Variants in GOLM2 observed in about 807,000 individuals in gnomAD.
GOLM2 encodes protein GOLM2.
In GOLM2, 26 loss-of-function variants were observed where a neutral mutation model predicts 55.9. The observed-to-expected ratio is 0.47, with a 90% CI of 0.34 to 0.65. The LOEUF is 0.65. GOLM2 is among the 30% of genes least tolerant of loss of function. The pLI is 0.01. For missense variants in GOLM2, 486 were observed against 531.8 expected (o/e 0.91, Z 0.85); for synonymous variants, 165 against 194.6 (o/e 0.85, Z 1.27).
intron 3 of GOLM2, among the ~76,000 whole-genome samples, chr15:44,331,089 A>G (rs917801825): frequency 2.0e-5 from 3 of 152,178 alleles, no homozygotes; most frequent in Middle Eastern, 3.4e-3. Context: ...ATCTCAGCTC[A>G]CTGCAACCTC....
At chr15:44,405,283 G>C (rs1466544632) in intron 9 of GOLM2, 4 of 152,130 alleles carry the variant, frequency 2.6e-5, no homozygotes, top group African/African-American at 4.8e-5. Context: ...GTAGAGAAGG[G>C]GCTGTTACAT....
At chr15:44,347,585 G>C (rs1033496186) in intron 6 of GOLM2, among the ~76,000 whole-genome samples, 8 of 152,176 alleles carry the variant, frequency 5.3e-5, no homozygotes, top group African/African-American at 1.9e-4. Flanking sequence ...CCGCGAGCTA[G>C]AGTGCTTTGG....
intron 8 of GOLM2, among the ~76,000 whole-genome samples, chr15:44,392,528 C>G (rs1298008342): frequency 6.6e-6 from 1 of 151,468 alleles, no homozygotes; most frequent in Non-Finnish European, 1.5e-5. Flanking sequence ...GAGGCTGAGG[C>G]TGGAGAATCG....
chr15:44,356,722 A>G (rs1275355306), intron 6 of GOLM2, among the ~76,000 whole-genome samples: 1 of 152,224 alleles, frequency 6.6e-6, no homozygotes, highest in African/African-American at 2.4e-5. Flanking sequence ...CTATGATGCC[A>G]TTGTTATGCC....
rs2078722988 is a variant in GOLM2 at position 44,291,870 on chromosome 15, G to A, written c.327+2514G>A. Among the ~76,000 whole-genome samples, 2 of 152,082 alleles carry A rather than the reference G, an allele frequency of 1.3e-5. 1 individual carries two copies. Among genetic ancestry groups the A allele is most frequent in the South Asian group, 4.1e-4 (2 of 4,832 alleles). Reference sequence around the variant, plus strand: ...AAAAAATGAAAACCTTTTTTGGAGGGAAATGTTAGTGTATCCTCCTCTTGG... The same window carrying A: ...AAAAAATGAAAACCTTTTTTGGAGGAAAATGTTAGTGTATCCTCCTCTTGG... On this transcript the variant is annotated intron_variant, in intron 1 of 9. Coordinates refer to ENST00000299957, the MANE Select transcript of GOLM2 (RefSeq NM_138423.4).
chr15:44,331,702 T>A (rs530220309), intron 3 of GOLM2, among the ~76,000 whole-genome samples: 2 of 151,910 alleles, frequency 1.3e-5, no homozygotes, highest in South Asian at 4.2e-4. Flanking sequence ...GTTTTGAAAG[T>A]TTTTTTTTAA....
chr15:44,404,520 TA>T (rs1328775949), intron 9 of GOLM2, among the ~76,000 whole-genome samples: 1 of 152,160 alleles, frequency 6.6e-6, no homozygotes, highest in Non-Finnish European at 1.5e-5. Flanking sequence ...CTTACAATAT[TA>T]TGTACTTTTT....
chr15:44,308,680 C>A (rs980114467), intron 1 of GOLM2: 1 of 152,078 alleles, frequency 6.6e-6, no homozygotes, highest in South Asian at 2.1e-4. Flanking sequence ...TGGCTCACTG[C>A]AGCTTTGACC....
chr15:44,363,148 C>G (rs991440777), intron 6 of GOLM2, among the ~76,000 whole-genome samples: 3 of 152,112 alleles, frequency 2.0e-5, no homozygotes, highest in Admixed American at 6.6e-5. Context: ...GACTTCATGT[C>G]TAAAACACCA....
At chr15:44,350,626 A>G (rs1264298269) in intron 6 of GOLM2, among the ~76,000 whole-genome samples, 1 of 152,214 alleles carries the variant, frequency 6.6e-6, no homozygotes, top group Non-Finnish European at 1.5e-5. Context: ...ATTCTAGGAG[A>G]CGAGTAATAG....
At chr15:44,405,453 A>C (rs960599194) in intron 9 of GOLM2, 3 of 152,214 alleles carry the variant, frequency 2.0e-5, no homozygotes, top group African/African-American at 7.2e-5. Flanking sequence ...GCTCCAACAA[A>C]TAAAGAGGGA....
chr15:44,319,720 C>T (rs1010452186), intron 1 of GOLM2, among the ~76,000 whole-genome samples: 5 of 151,972 alleles, frequency 3.3e-5, no homozygotes, highest in Admixed American at 6.6e-5. Flanking sequence ...CTCAAGTATC[C>T]GGGCCTATAG....
intron 1 of GOLM2, chr15:44,307,687 G>A (rs917212468): frequency 3.9e-5 from 6 of 152,138 alleles, no homozygotes; most frequent in Non-Finnish European, 1.5e-5. Context: ...GAAGAAGTGA[G>A]GGAGGCACAC....
chr15:44,322,205 T>C (rs1190242906), intron 1 of GOLM2, among the ~76,000 whole-genome samples: 2 of 152,158 alleles, frequency 1.3e-5, no homozygotes. Flanking sequence ...CCATCTCTAC[T>C]AAAAATACAA....
chr15:44,360,646 A>T (rs1438978207), intron 6 of GOLM2, among the ~76,000 whole-genome samples: 2 of 152,202 alleles, frequency 1.3e-5, no homozygotes, highest in Non-Finnish European at 2.9e-5. Context: ...CAGATCAACG[A>T]GACAGAAAGT....
At position 44,300,582 on chromosome 15, in the gene GOLM2, A is replaced by G. The variant is rs539748905; in HGVS notation, c.327+11226A>G. 3.2e-4 allele frequency among the ~76,000 whole-genome samples: 49 copies of G among 152,334 alleles called. 1 individual carries two copies. Among genetic ancestry groups the G allele is most frequent in the Middle Eastern group, 3.4e-3 (1 of 294 alleles). On this transcript the variant is annotated intron_variant, in intron 1 of 9. Transcript: ENST00000299957. ...AAGGACATTCAAGGAGCTCCCTTTT[A>G]CTTACTCCATAGAGGCAAACAAACA...
chr15:44,386,263 G>T (rs532062943), intron 8 of GOLM2, among the ~76,000 whole-genome samples: 1 of 152,270 alleles, frequency 6.6e-6, no homozygotes, highest in East Asian at 1.9e-4. Flanking sequence ...GATACCAGTT[G>T]TCCCAGCAAC....
intron 1 of GOLM2, among the ~76,000 whole-genome samples, chr15:44,320,027 G>A (rs375356095): frequency 6.6e-6 from 1 of 152,070 alleles, no homozygotes; most frequent in Non-Finnish European, 1.5e-5. Context: ...ATTCCAGAAC[G>A]TTTTCATCAC....
At chr15:44,351,250 T>C (rs1223678040) in intron 6 of GOLM2, among the ~76,000 whole-genome samples, 1 of 152,018 alleles carries the variant, frequency 6.6e-6, no homozygotes, top group Non-Finnish European at 1.5e-5. Context: ...TTTAACCTAG[T>C]ACTGGAAGTC....
Sources: gnomAD v4.1 joint callset for allele counts (sites outside exome capture counted in the v4.1 genomes callset) on GRCh38, gnomAD v4.1.1 for gene constraint, MANE v1.5 for transcripts, NCBI Gene and HGNC (gene_info 2026-07-23, HGNC 2026-07-21) for gene names.